Variants in DNAAF5 observed in about 807,000 individuals in gnomAD.
The protein encoded by DNAAF5 is dynein axonemal assembly factor 5, also known as HEAT repeat containing 2.
Under a neutral mutation model 75.8 loss-of-function variants are expected in DNAAF5, and 64 were observed. That is an observed-to-expected ratio of 0.84 (90% CI 0.69 to 1.04). DNAAF5 has a LOEUF of 1.04. DNAAF5 is among the 50% of genes least tolerant of loss of function. The pLI is 0.00. For missense variants in DNAAF5, 1,269 were observed against 1,178.5 expected (o/e 1.08, Z -1.12); for synonymous variants, 657 against 557.2 (o/e 1.18, Z -2.52).
rs980047942 is a variant in DNAAF5 at position 770,473 on chromosome 7, C to T, written c.1786C>T (p.Pro596Ser). Residue 596 changes from proline to serine, a missense_variant and splice_region_variant, in exon 9 of 13, where the codon CCT (proline) becomes TCT (serine). By Grantham distance (74) the Pro-to-Ser change is moderately conservative. Transcript: ENST00000297440. ...QFSVIVAQSG[P>S]ALGEALPHVV... Reference sequence around the variant, plus strand: ...GGAGCCTCTGTTGTGTCTTACAGGCCCTGCCCTGGGAGAAGCCCTGCCACA... The same window carrying T: ...GGAGCCTCTGTTGTGTCTTACAGGCTCTGCCCTGGGAGAAGCCCTGCCACA... The T allele has an allele frequency of 2.5e-5, 40 of 1,612,884 alleles. No individual in the cohort carries two copies. The highest frequency in any genetic ancestry group is 1.7e-4 in the Middle Eastern group (1 of 6,048).
chr7:741,830 G>A (rs554969114), intron 4 of DNAAF5, among the ~76,000 whole-genome samples: 79 of 152,332 alleles, frequency 5.2e-4, no homozygotes, highest in Non-Finnish European at 9.0e-4. Context: ...AGCTCTGCTG[G>A]TGGTTGGGGG....
In DNAAF5 at chr7:754,254, A is replaced by T. The variant is rs1220570283; in HGVS notation, c.1025-335A>T. On this transcript the variant is annotated intron_variant, in intron 4 of 12. Coordinates refer to ENST00000297440, the MANE Select transcript of DNAAF5 (RefSeq NM_017802.4). This position sits in a 1 kb window ranked among gnomAD's most constrained non-coding sequence, Gnocchi z 4.8. ...ATCCTCCCACCTCAGACTCCTGCGT[A>T]GCTGGGACCACAGGCATGCACCACG... 6.6e-6 allele frequency among the ~76,000 whole-genome samples: 1 copy of T among 152,154 alleles called. No homozygotes were observed. The highest frequency in any genetic ancestry group is 1.5e-5 in the Non-Finnish European group (1 of 68,022).
intron 8 of DNAAF5, chr7:768,847 T>C: frequency 2.7e-6 from 1 of 374,364 alleles, no homozygotes; most frequent in Non-Finnish European, 4.9e-6. Context: ...AGAAACACTG[T>C]CTTGTTTCCA....
chr7:762,600 C>G (rs920295275), intron 7 of DNAAF5, among the ~76,000 whole-genome samples: 5 of 151,970 alleles, frequency 3.3e-5, no homozygotes, highest in Non-Finnish European at 4.4e-5. Context: ...CCCATGGGCT[C>G]CCTGTTTATG....
At chr7:779,812 A>C in intron 11 of DNAAF5, 141 bp from the exon 12 acceptor site, 1 of 691,204 alleles carries the variant, frequency 1.4e-6, no homozygotes, top group Admixed American at 2.9e-5. Context: ...CTCGGGATGC[A>C]CGGAGTCTCC....
At chr7:733,695 C>T (rs1387955190) in intron 2 of DNAAF5, among the ~76,000 whole-genome samples, 6 of 152,094 alleles carry the variant, frequency 3.9e-5, no homozygotes, top group African/African-American at 1.2e-4. Flanking sequence ...ACAGTTTCAC[C>T]ATGTTAGCCA....
chr7:741,764 C>T (rs955654693), intron 4 of DNAAF5, among the ~76,000 whole-genome samples: 6 of 152,186 alleles, frequency 3.9e-5, no homozygotes, highest in Non-Finnish European at 4.4e-5. Context: ...AGATGGTGTC[C>T]GCCCCCCTCC....
rs1457133491 is a variant in DNAAF5 at position 727,259 on chromosome 7, C to T, written c.539C>T (p.Ala180Val). 1.5e-6 allele frequency: 2 copies of T among 1,331,410 alleles called. No individual in the cohort carries two copies. The highest frequency in any genetic ancestry group is 1.9e-6 in the Non-Finnish European group (2 of 1,045,102). The allele number at this position is 1,331,410 out of a possible 1,614,324, so 82.5% of individuals were successfully genotyped here. The change falls in exon 1 of 13, where the codon GCC (alanine) becomes GTC (valine). Residue 180 changes from alanine (A) to valine (V), a missense_variant. Ala to Val is a moderately conservative substitution (Grantham distance 64). Coordinates refer to ENST00000297440, the MANE Select transcript of DNAAF5 (RefSeq NM_017802.4). ...CGCTGCTCCCTGCTCGACCCCTTCG[C>T]CGCCGTGCGCCGCGAGAGCTGCAGC... ...ALRCSLLDPF[A>V]AVRRESCSCA...
chr7:778,416 G>A (rs184993292), intron 11 of DNAAF5: 1 of 152,326 alleles, frequency 6.6e-6, no homozygotes, highest in African/African-American at 2.4e-5. Flanking sequence ...TCCTGAGTTG[G>A]GAGCACAGAC....
intron 9 of DNAAF5, among the ~76,000 whole-genome samples, chr7:773,196 A>G (rs973716993): frequency 1.6e-4 from 24 of 152,318 alleles, no homozygotes; most frequent in African/African-American, 5.5e-4. Flanking sequence ...ACCTCGCGGA[A>G]TGCGTGTAAA....
intron 3 of DNAAF5, 144 bp downstream of exon 3, chr7:741,087 C>G: frequency 9.7e-7 from 1 of 1,031,136 alleles, no homozygotes; most frequent in Non-Finnish European, 1.4e-6. Context: ...GTACAGAAGT[C>G]GTCTCGTTTT....
At position 754,846 on chromosome 7, in the gene DNAAF5, G is replaced by A; in HGVS notation, c.1257+25G>A. 2.6e-6 allele frequency: 4 copies of A among 1,526,706 alleles called. No homozygotes were observed. Among genetic ancestry groups the A allele is most frequent in the Non-Finnish European group, 3.6e-6 (4 of 1,118,158 alleles). 94.6% of individuals were successfully genotyped at this position (1,526,706 alleles called of 1,614,324 possible). On this transcript the variant is annotated intron_variant, in intron 5 of 12. Coordinates refer to ENST00000297440, the MANE Select transcript of DNAAF5 (RefSeq NM_017802.4). The surrounding 1 kb of genome is among the most constrained non-coding windows in gnomAD (Gnocchi z 4.8). ...TGTAAGTGGCCGTATTCCAGTCGTG[G>A]TCGCGGAGCTGTAACTCGAGCTTAA...
At chr7:767,905 A>C (rs954344958) in intron 8 of DNAAF5, among the ~76,000 whole-genome samples, 3 of 142,692 alleles carry the variant, frequency 2.1e-5, no homozygotes, top group South Asian at 2.3e-4. Context: ...TCCCTGCTGC[A>C]AGCAGGAGCG....
chr7:752,722 G>A (rs571948266), intron 4 of DNAAF5, among the ~76,000 whole-genome samples: 8 of 152,244 alleles, frequency 5.3e-5, no homozygotes, highest in South Asian at 2.1e-4. Flanking sequence ...GTAAAGCAAT[G>A]TGTGGACTTC....
intron 8 of DNAAF5, among the ~76,000 whole-genome samples, chr7:767,786 G>A (rs1193317836): frequency 6.6e-6 from 1 of 151,120 alleles, no homozygotes; most frequent in East Asian, 2.0e-4. Context: ...TGTCCGTGCT[G>A]CCAGCAGGAG....
At chr7:742,189 G>C (rs540293611) in intron 4 of DNAAF5, among the ~76,000 whole-genome samples, 1 of 152,128 alleles carries the variant, frequency 6.6e-6, no homozygotes, top group Non-Finnish European at 1.5e-5. Context: ...ACTTGCACGC[G>C]GTCAAGTGCT....
intron 2 of DNAAF5, among the ~76,000 whole-genome samples, chr7:739,092 ACGCCC>A: frequency 1.7e-5 from 2 of 120,532 alleles, no homozygotes; most frequent in Admixed American, 8.7e-5. Context: ...TGTCTCAGCC[ACGCCC>A]TCTGCCCCAT....
At chr7:771,168 TA>T (rs1461882602) in intron 9 of DNAAF5, 1 of 152,352 alleles carries the variant, frequency 6.6e-6, no homozygotes, top group Non-Finnish European at 1.5e-5. Flanking sequence ...GTCAAAGTGG[TA>T]AAAATACCTC....
intron 11 of DNAAF5, chr7:778,684 G>C (rs1175176343): frequency 6.6e-6 from 1 of 152,514 alleles, no homozygotes; most frequent in Admixed American, 6.5e-5. Flanking sequence ...GGACAAGCTT[G>C]GGTGAGTTGA....
Sources: allele counts gnomAD v4.1 joint callset (sites outside exome capture counted in the v4.1 genomes callset), GRCh38; gene constraint gnomAD v4.1.1; non-coding constraint Gnocchi (gnomAD v3.1); transcripts MANE v1.5; gene names NCBI Gene and HGNC (gene_info 2026-07-23, HGNC 2026-07-21).